Variants in OSBPL2 observed in about 807,000 individuals in gnomAD.
OSBPL2 encodes the protein oxysterol-binding protein-related protein 2.
Under a neutral mutation model 58.4 loss-of-function variants are expected in OSBPL2, and 18 were observed. The observed-to-expected ratio is 0.31, with a 90% CI of 0.21 to 0.46. The LOEUF (loss-of-function observed/expected upper bound fraction) is 0.46. Among genes scored for constraint, OSBPL2 ranks in the 20% least tolerant of loss-of-function variants. The pLI, the probability that OSBPL2 is intolerant of heterozygous loss-of-function variation, is 1.00. For synonymous variants in OSBPL2, 221 were observed against 234.1 expected (o/e 0.94, Z 0.51); for missense variants, 461 against 616.5 (o/e 0.75, Z 2.67).
rs1981460467 is a variant in OSBPL2, at chr20:62,263,607, G to A, written c.183-9G>A. Reference sequence around the variant, plus strand: ...ATTCACCCACACGCACCCCTTTTGTGCTTCGCAGGACATCGCTGCCGGCTC... The same window carrying A: ...ATTCACCCACACGCACCCCTTTTGTACTTCGCAGGACATCGCTGCCGGCTC... On this transcript the variant is annotated splice_polypyrimidine_tract_variant and intron_variant, in intron 3 of 13. Transcript: ENST00000313733. 6.2e-7 allele frequency: 1 copy of A among 1,613,706 alleles called. No homozygotes were observed. Among genetic ancestry groups the A allele is most frequent in the Non-Finnish European group, 8.5e-7 (1 of 1,179,628 alleles).
chr20:62,274,462 G>T (rs1294161568), intron 6 of OSBPL2, among the ~76,000 whole-genome samples: 2 of 152,204 alleles, frequency 1.3e-5, no homozygotes, highest in African/African-American at 2.4e-5. Context: ...ATGCATGCAG[G>T]TGCCCATGGG....
chr20:62,293,657 G>A, intron 13 of OSBPL2, 128 bp from the exon 14 acceptor site: 2 of 694,632 alleles, frequency 2.9e-6, no homozygotes, highest in Non-Finnish European at 4.6e-6. Context: ...GTTACGCTGG[G>A]CTGCATTTTA....
rs1369510998 is a variant in OSBPL2, at chr20:62,269,682, A to G, written c.259-2443A>G. On this transcript the variant is annotated intron_variant, in intron 4 of 13. Coordinates refer to ENST00000313733, the MANE Select transcript of OSBPL2 (RefSeq NM_144498.4). The surrounding 1 kb of genome is among the most constrained non-coding windows in gnomAD (Gnocchi z 4.2). ...CGGGAGGCTGTTGATCCTGGTCTGG[A>G]ATGTAAATTGCAAATGCTCCCCCAT... 6.6e-6 allele frequency among the ~76,000 whole-genome samples: 1 copy of G among 152,120 alleles called. No individual in the cohort carries two copies. The highest frequency in any genetic ancestry group is 2.4e-5 in the African/African-American group (1 of 41,408).
chr20:62,256,356 C>G, intron 2 of OSBPL2, 135 bp downstream of exon 2: 2 of 700,126 alleles, frequency 2.9e-6, no homozygotes, highest in South Asian at 4.1e-5. Context: ...ATCCCAAACA[C>G]GGACTGTTCA....
At chr20:62,248,155 C>CTTTTTTT (rs11470491) in intron 1 of OSBPL2, among the ~76,000 whole-genome samples, 7 of 118,850 alleles carry the variant, frequency 5.9e-5, no homozygotes, top group African/African-American at 1.3e-4. Flanking sequence ...CTTTTCTTTT[C>CTTTTTTT]TTTTTTTTTT....
rs1568840365 is a variant in OSBPL2 at position 62,269,803 on chromosome 20, C to T, written c.259-2322C>T. On this transcript the variant is annotated intron_variant, in intron 4 of 13. Transcript: ENST00000313733. This position sits in a 1 kb window ranked among gnomAD's most constrained non-coding sequence, Gnocchi z 4.2. ...TCTGATCACAAGGGTCACCTCTCTT[C>T]CTGCTTTCCTCGGCAGCCACATTCC... Among the ~76,000 whole-genome samples the T allele has an allele frequency of 6.6e-6, 1 of 152,252 alleles. No homozygotes were observed. The highest frequency in any genetic ancestry group is 1.5e-5 in the Non-Finnish European group (1 of 68,042).
In OSBPL2 at chr20:62,284,411, C is replaced by T. The variant is rs566240028; in HGVS notation, c.996+242C>T. On this transcript the variant is annotated intron_variant, in intron 10 of 13. Coordinates refer to ENST00000313733, the MANE Select transcript of OSBPL2 (RefSeq NM_144498.4). ...TTTCCCCTCCAGGCAGGGTCTCCCT[C>T]TGTTGCCCAGGCTGGAGTACAGTGG... The T allele has an allele frequency of 4.7e-3, 2,264 of 485,614 alleles. 15 individuals carry two copies. Among genetic ancestry groups the T allele is most frequent in the South Asian group, 0.01 (474 of 46,204 alleles). The allele number at this position is 485,614 out of a possible 1,614,324, so 30.1% of individuals were successfully genotyped here.
At position 62,260,009 on chromosome 20, in the gene OSBPL2, A is replaced by T; in HGVS notation, c.66A>T (p.Glu22Asp). 6.2e-7 allele frequency: 1 copy of T among 1,613,996 alleles called. No homozygotes were observed. The highest frequency in any genetic ancestry group is 8.5e-7 in the Non-Finnish European group (1 of 1,179,930). ...TTGATTCTGATAACTCTTCTGGGGA[A>T]TTTTCAGAGGCAAATCAGAAAGTCA... Reference protein sequence around the residue: ...TGFDSDNSSGEFSEANQKVTG... With the variant: ...TGFDSDNSSGDFSEANQKVTG... The change falls in exon 3 of 14, where the codon GAA (glutamate) becomes GAT (aspartate). Residue 22 changes from glutamate (E) to aspartate (D), a missense_variant. Transcript: ENST00000313733.
intron 10 of OSBPL2, chr20:62,284,624 C>G (rs973721396): frequency 6.1e-6 from 1 of 163,036 alleles, no homozygotes; most frequent in African/African-American, 2.4e-5. Flanking sequence ...GTCCTCCCAC[C>G]TCGGCCTCCC....
chr20:62,251,037 A>ATTTT (rs35328509), intron 1 of OSBPL2, among the ~76,000 whole-genome samples: 62 of 97,800 alleles, frequency 6.3e-4, no homozygotes, highest in African/African-American at 8.4e-4. Context: ...AGAGCAATAG[A>ATTTT]TTTTTTTTTT....
At chr20:62,286,776 C>G (rs1459243061) in intron 11 of OSBPL2, 65 bp downstream of exon 11, 4 of 1,549,342 alleles carry the variant, frequency 2.6e-6, no homozygotes, top group Non-Finnish European at 3.5e-6. Context: ...TGGGCCCAGC[C>G]CCACGGCTCT....
chr20:62,254,651 T>C (rs541124001), intron 1 of OSBPL2, among the ~76,000 whole-genome samples: 1 of 152,352 alleles, frequency 6.6e-6, no homozygotes, highest in East Asian at 1.9e-4. Context: ...CACCCAGCAC[T>C]GGGGGCCGTT....
Position 62,295,560 on chromosome 20 carries a change from C to T in OSBPL2, c.*1673C>T, listed in dbSNP as rs1262206263. 1.3e-5 allele frequency: 2 copies of T among 152,162 alleles called. No individual in the cohort carries two copies. Among genetic ancestry groups the T allele is most frequent in the Non-Finnish European group, 2.9e-5 (2 of 68,032 alleles). The allele number at this position is 152,162 out of a possible 1,614,324, so 9.4% of individuals were successfully genotyped here. On this transcript the variant is annotated 3_prime_UTR_variant, in exon 14 of 14. Transcript: ENST00000313733. The surrounding 1 kb of genome is among the most constrained non-coding windows in gnomAD (Gnocchi z 4.8). Reference sequence around the variant, plus strand: ...CCGAGTCCTGTGTCATCCTCGGGGCCTATGAGCTCCGTACCAGCCACTCAA... The same window carrying T: ...CCGAGTCCTGTGTCATCCTCGGGGCTTATGAGCTCCGTACCAGCCACTCAA...
chr20:62,286,815 C>G, intron 11 of OSBPL2, 104 bp downstream of exon 11: 1 of 1,346,816 alleles, frequency 7.4e-7, no homozygotes, highest in Non-Finnish European at 1.0e-6. Flanking sequence ...TGCCTGCCGC[C>G]TCGCCTCAGC....
chr20:62,291,968 T>A (rs939210670), intron 13 of OSBPL2, among the ~76,000 whole-genome samples, 175 bp downstream of exon 13: 4 of 148,834 alleles, frequency 2.7e-5, no homozygotes, highest in African/African-American at 1.0e-4. Flanking sequence ...GCAGTTACTG[T>A]TCCATGGCTC....
chr20:62,261,967 C>T lies in OSBPL2; in HGVS notation c.183-1649C>T, dbSNP rs1254801038. Among the ~76,000 whole-genome samples the T allele has an allele frequency of 2.0e-5, 3 of 152,126 alleles. No individual in the cohort carries two copies. In the East Asian group the frequency reaches 5.8e-4, roughly 29 times the overall value. ...AGCGACAGGGTTCCGCCGTGTTGGC[C>T]AGGCTAGTCTTGACCTCCTCAAGTG... On this transcript the variant is annotated intron_variant, in intron 3 of 13. Coordinates refer to ENST00000313733, the MANE Select transcript of OSBPL2 (RefSeq NM_144498.4).
At chr20:62,270,206 G>T (rs960699776) in intron 4 of OSBPL2, among the ~76,000 whole-genome samples, 2 of 152,224 alleles carry the variant, frequency 1.3e-5, no homozygotes, top group African/African-American at 4.8e-5. Context: ...CAGACGAGGA[G>T]CCTGAGAGGC....
In OSBPL2 at chr20:62,255,920, T is replaced by G. The variant is rs550582686; in HGVS notation, c.-128-137T>G. 1.2e-5 allele frequency: 5 copies of G among 420,216 alleles called. No homozygotes were observed. The South Asian group carries it at 1.4e-4, about 12-fold the overall frequency. The allele number at this position is 420,216 out of a possible 1,614,324, so 26.0% of individuals were successfully genotyped here. A position where few individuals can be genotyped will look rare whatever the true frequency, so the allele number is the denominator to read the frequency against. On this transcript the variant is annotated intron_variant, in intron 1 of 13. Coordinates refer to ENST00000313733, the MANE Select transcript of OSBPL2 (RefSeq NM_144498.4). ...CGTTTACTTTTTGAAATTATGTTTG[T>G]GATGTGATAATTTATTTTACTAATT...
intron 1 of OSBPL2, among the ~76,000 whole-genome samples, chr20:62,251,375 G>A (rs575748319): frequency 6.9e-6 from 1 of 145,896 alleles, no homozygotes; most frequent in African/African-American, 2.5e-5. Flanking sequence ...TTTTTTTAGG[G>A]TTCTCTCAAA....
Sources: gnomAD v4.1 joint callset for allele counts (sites outside exome capture counted in the v4.1 genomes callset) on GRCh38, gnomAD v4.1.1 for gene constraint, Gnocchi (gnomAD v3.1) non-coding constraint, MANE v1.5 for transcripts, NCBI Gene and HGNC (gene_info 2026-07-23, HGNC 2026-07-21) for gene names.